CTNNA2: variants seen among roughly 807,000 people sequenced by gnomAD.
The protein encoded by CTNNA2 is catenin alpha 2.
In CTNNA2, 42 loss-of-function variants were observed where a neutral mutation model predicts 101.0. The ratio of observed to expected loss-of-function variants is 0.42; its 90% CI spans 0.32 to 0.54. CTNNA2 has a LOEUF of 0.54. Among genes scored for constraint, CTNNA2 ranks in the 20% least tolerant of loss-of-function variants. The pLI is 0.14. For synonymous variants in CTNNA2, 450 were observed against 456.4 expected, an observed-to-expected ratio of 0.99 and a Z score of 0.18; for missense variants, 871 against 1,223.1, an observed-to-expected ratio of 0.71 and a Z score of 4.29.
intron 6 of CTNNA2, among the ~76,000 whole-genome samples, chr2:79,898,867 A>G (rs925095197): frequency 2.0e-5 from 3 of 152,096 alleles, no homozygotes; most frequent in South Asian, 4.1e-4. Context: ...CAAGCAGGTG[A>G]TAGTAGAGAG....
chr2:79,867,511 C>G (rs761624067), intron 4 of CTNNA2, among the ~76,000 whole-genome samples: 2 of 152,032 alleles, frequency 1.3e-5, no homozygotes, highest in Non-Finnish European at 1.5e-5. Context: ...GATTCTGCCC[C>G]GTGATTCTTT....
intron 7 of CTNNA2, among the ~76,000 whole-genome samples, chr2:79,934,552 A>G (rs1256617815): frequency 6.6e-6 from 1 of 152,210 alleles, no homozygotes; most frequent in Non-Finnish European, 1.5e-5. Context: ...TTCTAAGCCC[A>G]TTGTCCTTAC....
intron 3 of CTNNA2, among the ~76,000 whole-genome samples, chr2:79,828,372 C>T (rs73941325): frequency 0.012 from 1,767 of 152,184 alleles, 22 homozygotes; most frequent in African/African-American, 0.041. Flanking sequence ...GCTAGAGCAG[C>T]GCAAAATAAC....
At chr2:79,960,401 A>C in intron 7 of CTNNA2, among the ~76,000 whole-genome samples, 1 of 152,210 alleles carries the variant, frequency 6.6e-6, no homozygotes, top group Non-Finnish European at 1.5e-5. Flanking sequence ...TGCTACCTTC[A>C]TTTGGTACCT....
chr2:79,451,084 T>C (rs865996896), intron 4 of CTNNA2, among the ~76,000 whole-genome samples: 19 of 152,040 alleles, frequency 1.2e-4, no homozygotes, highest in African/African-American at 4.1e-4. Context: ...CACTCAGACA[T>C]GGGGAGAATG....
intron 7 of CTNNA2, among the ~76,000 whole-genome samples, chr2:80,309,471 GA>G (rs1252599409): frequency 6.6e-6 from 1 of 152,134 alleles, no homozygotes; most frequent in African/African-American, 2.4e-5. Flanking sequence ...TTTTAAAACT[GA>G]AAGGGACATT....
chr2:80,074,065 A>G lies in CTNNA2; in HGVS notation c.1056+164268A>G, dbSNP rs1250653551. ...TACTAAGCAACTGTTTAGCTGGGGA[A>G]TCACCAAATGATTTTTGAAAATAAT... On this transcript the variant is annotated intron_variant, in intron 7 of 18. Transcript: ENST00000402739. Among the ~76,000 whole-genome samples, 3 of 152,334 alleles carry G rather than the reference A, an allele frequency of 2.0e-5. No individual in the cohort carries two copies. The East Asian group carries it at 5.8e-4, about 29-fold the overall frequency.
intron 7 of CTNNA2, among the ~76,000 whole-genome samples, chr2:80,373,780 AT>A (rs1052112289): frequency 3.9e-5 from 6 of 152,134 alleles, no homozygotes; most frequent in Non-Finnish European, 7.3e-5. Flanking sequence ...GAAATTTCTA[AT>A]TGTTGGATGA....
intron 7 of CTNNA2, among the ~76,000 whole-genome samples, chr2:80,082,096 T>TG (rs1331761798): frequency 6.6e-6 from 1 of 152,186 alleles, no homozygotes; most frequent in Non-Finnish European, 1.5e-5. Context: ...CTGGTTGCTC[T>TG]GAACGTTTGG....
chr2:79,947,649 A>T (rs1688591980), intron 7 of CTNNA2, among the ~76,000 whole-genome samples: 1 of 152,200 alleles, frequency 6.6e-6, no homozygotes, highest in African/African-American at 2.4e-5. Context: ...GCTACTTGTC[A>T]TGGTATTGTT....
chr2:79,498,500 A>G (rs1671282801), intron 4 of CTNNA2, among the ~76,000 whole-genome samples: 1 of 152,138 alleles, frequency 6.6e-6, no homozygotes, highest in African/African-American at 2.4e-5. Context: ...TCTGATTCTG[A>G]TCATTTCATT....
At chr2:79,883,928 G>A (rs1162351188) in intron 6 of CTNNA2, among the ~76,000 whole-genome samples, 2 of 152,142 alleles carry the variant, frequency 1.3e-5, no homozygotes, top group African/African-American at 2.4e-5. Flanking sequence ...TAAGCCACAG[G>A]AAGTTTGAGT....
chr2:80,606,278 T>C lies in CTNNA2; in HGVS notation c.2296-1906T>C, dbSNP rs1157459689. ...GTTCAATAGTTTTGGTTGTGACTTT[T>C]GTTTTTGATTTTACCTTTTTGGGCT... On this transcript the variant is annotated intron_variant, in intron 16 of 18. Transcript: ENST00000402739. Among the ~76,000 whole-genome samples the C allele has an allele frequency of 4.6e-5, 7 of 151,788 alleles. No homozygotes were observed. The Admixed American group carries it at 4.6e-4, about 10-fold the overall frequency.
intron 9 of CTNNA2, among the ~76,000 whole-genome samples, chr2:80,443,678 C>T (rs1027274230): frequency 3.9e-5 from 6 of 152,142 alleles, no homozygotes; most frequent in African/African-American, 1.4e-4. Context: ...GAATCCTATA[C>T]CTCTCATCAA....
chr2:79,547,575 A>G (rs1307677464), intron 1 of CTNNA2: 1 of 152,192 alleles, frequency 6.6e-6, no homozygotes, highest in African/African-American at 2.4e-5. Flanking sequence ...CCTATTGTGA[A>G]TTATCTGATG....
intron 6 of CTNNA2, among the ~76,000 whole-genome samples, chr2:79,881,505 G>A (rs981265751): frequency 6.6e-6 from 1 of 152,060 alleles, no homozygotes; most frequent in South Asian, 2.1e-4. Flanking sequence ...CTTGTATTGG[G>A]TGCATATATA....
At chr2:80,143,556 T>C (rs933686411) in intron 7 of CTNNA2, among the ~76,000 whole-genome samples, 1 of 152,150 alleles carries the variant, frequency 6.6e-6, no homozygotes, top group African/African-American at 2.4e-5. Flanking sequence ...AACTTCACAC[T>C]CTTTCACCAA....
intron 7 of CTNNA2, among the ~76,000 whole-genome samples, chr2:80,106,753 C>G (rs917775937): frequency 2.6e-5 from 4 of 152,090 alleles, no homozygotes; most frequent in Non-Finnish European, 4.4e-5. Context: ...CTCCAGATTC[C>G]TAATGCTGCT....
intron 3 of CTNNA2, among the ~76,000 whole-genome samples, chr2:79,831,703 T>C (rs62140159): frequency 0.14 from 20,801 of 151,774 alleles, 1,724 homozygotes; most frequent in South Asian, 0.19. Context: ...TTTTTGTAGA[T>C]GGATTCTTTT....
Sources: gnomAD v4.1 joint callset for allele counts (sites outside exome capture counted in the v4.1 genomes callset) on GRCh38, gnomAD v4.1.1 for gene constraint, MANE v1.5 for transcripts, NCBI Gene and HGNC (gene_info 2026-07-23, HGNC 2026-07-21) for gene names.